The following ITGA11 variants were observed in gnomAD, a reference collection of about 807,000 sequenced individuals.
The protein encoded by ITGA11 is integrin alpha-11.
A neutral mutation model predicts 141.9 loss-of-function variants in ITGA11; 97 were observed. The observed-to-expected ratio is 0.68, with a 90% CI of 0.58 to 0.81. The LOEUF (loss-of-function observed/expected upper bound fraction) is 0.81. Ranked by LOEUF, ITGA11 falls within the 30% of genes least tolerant of loss-of-function variation. ITGA11 has a pLI of 0.00. For missense variants in ITGA11, 1,387 were observed against 1,559.2 expected, an observed-to-expected ratio of 0.89 and a Z score of 1.86; for synonymous variants, 658 against 624.6, an observed-to-expected ratio of 1.05 and a Z score of -0.80.
intron 1 of ITGA11, among the ~76,000 whole-genome samples, chr15:68,403,638 TTTTTC>T (rs1179576313): frequency 6.6e-6 from 1 of 151,764 alleles, no homozygotes; most frequent in Non-Finnish European, 1.5e-5. Context: ...CTTTCTTTTT[TTTTTC>T]TGTTTCCCTG....
chr15:68,315,178 T>G (rs991224628), intron 22 of ITGA11, among the ~76,000 whole-genome samples: 1 of 151,816 alleles, frequency 6.6e-6, no homozygotes, highest in East Asian at 1.9e-4. Context: ...ATAGGACGAG[T>G]AGTGTTCAGC....
chr15:68,354,874 A>T lies in ITGA11; in HGVS notation c.749+2277T>A, dbSNP rs189590078. The stretch of plus-strand genomic sequence containing the variant: ...CTTTCATAGGTGCATAGGAAAAAAC[A>T]TGCATTAAGAATAAACTGAGTGAGG... On this transcript the variant is annotated intron_variant, in intron 7 of 29. Transcript: ENST00000315757. Among the ~76,000 whole-genome samples the T allele has an allele frequency of 2.8e-3, 422 of 152,332 alleles. 3 individuals carry two copies. The highest frequency in any genetic ancestry group is 3.5e-3 in the Non-Finnish European group (238 of 68,028).
chr15:68,351,508 T>C, intron 7 of ITGA11, 106 bp from the exon 8 acceptor site: 2 of 1,278,308 alleles, frequency 1.6e-6, no homozygotes, highest in African/African-American at 1.5e-5. Context: ...CAAGTCCTCC[T>C]TGGGCAACCC....
At position 68,328,848 on chromosome 15, in the gene ITGA11, G is replaced by A. The variant is rs1010531888; in HGVS notation, c.1902-586C>T. On this transcript the variant is annotated intron_variant, in intron 15 of 29. Coordinates refer to ENST00000315757, the MANE Select transcript of ITGA11 (RefSeq NM_001004439.2). This position sits in a 1 kb window ranked among gnomAD's most constrained non-coding sequence, Gnocchi z 4.8. ...TGGACCACACTTCGAAGAGCGAGGCGTTAAAGCACCCCAGGTGATTCCAAC... is the reference window on the plus strand; with the variant it reads ...TGGACCACACTTCGAAGAGCGAGGCATTAAAGCACCCCAGGTGATTCCAAC... 2.0e-5 allele frequency among the ~76,000 whole-genome samples: 3 copies of A among 152,136 alleles called. No homozygotes were observed. Among genetic ancestry groups the A allele is most frequent in the East Asian group, 1.9e-4 (1 of 5,198 alleles).
intron 10 of ITGA11, among the ~76,000 whole-genome samples, chr15:68,344,741 G>A (rs1004424397): frequency 6.6e-6 from 1 of 152,096 alleles, no homozygotes; most frequent in Non-Finnish European, 1.5e-5. Flanking sequence ...CTGAGCACTG[G>A]TCCTGTTAGG....
intron 11 of ITGA11, 89 bp downstream of exon 11, chr15:68,339,411 C>G: frequency 2.8e-6 from 4 of 1,436,778 alleles, no homozygotes; most frequent in Non-Finnish European, 3.8e-6. Flanking sequence ...CAGCAGGCCC[C>G]TCACTCGTGT....
At position 68,303,122 on chromosome 15, in the gene ITGA11, G is replaced by A. The variant is rs755079893; in HGVS notation, c.3504C>T (p.Phe1168=). ...LLVLALWKLG[F]FRSARRRREP... ...CCCTCCTGCGCCTGGCACTTCTAAA[G>A]AAGCCGAGCTGTGAGGAGGCAAAGG... is the stretch of plus-strand genomic sequence containing the variant. The change falls in exon 30 of 30, where the codon TTC becomes TTT. Residue 1168 remains phenylalanine, a synonymous_variant. Coordinates refer to ENST00000315757, the MANE Select transcript of ITGA11 (RefSeq NM_001004439.2). The surrounding 1 kb of genome is among the most constrained non-coding windows in gnomAD (Gnocchi z 5.3). 2 of 1,551,494 alleles carry A rather than the reference G, an allele frequency of 1.3e-6. No individual in the cohort carries two copies. Among genetic ancestry groups the A allele is most frequent in the Non-Finnish European group, 1.7e-6 (2 of 1,147,138 alleles).
At chr15:68,354,759 A>T (rs1183277419) in intron 7 of ITGA11, among the ~76,000 whole-genome samples, 1 of 152,148 alleles carries the variant, frequency 6.6e-6, no homozygotes, top group Admixed American at 6.5e-5. Flanking sequence ...GTTAGGGTGA[A>T]CACTTGTCAC....
rs1896316851 is a variant in ITGA11 at position 68,397,372 on chromosome 15, A to ATTATATATTATTTATTATATAATATG, written c.164+5545_164+5546insCATATTATATAATAAATAATATATAA. Among the ~76,000 whole-genome samples the ATTATATATTATTTATTATATAATATG allele has an allele frequency of 9.5e-5, 2 of 21,046 alleles. 1 individual carries two copies. The highest frequency in any genetic ancestry group is 4.8e-4 in the African/African-American group (2 of 4,180). The allele number at this position is 21,046 out of a possible 152,430, so 13.8% of individuals were successfully genotyped here. ...TTATATATTATTTATTATATAATAT[A>ATTATATATTATTTATTATATAATATG]TTATATATTATTTATTATATAATAT... is the stretch of plus-strand genomic sequence containing the variant. On this transcript the variant is annotated intron_variant, in intron 2 of 29. Coordinates refer to ENST00000315757, the MANE Select transcript of ITGA11 (RefSeq NM_001004439.2).
intron 1 of ITGA11, among the ~76,000 whole-genome samples, chr15:68,426,687 T>A (rs1338524803): frequency 1.3e-5 from 2 of 152,170 alleles, no homozygotes; most frequent in Non-Finnish European, 1.5e-5. Context: ...GACAACTTAC[T>A]GTCTTTCTGT....
chr15:68,398,767 T>C (rs1435511301), intron 2 of ITGA11, among the ~76,000 whole-genome samples: 1 of 147,868 alleles, frequency 6.8e-6, no homozygotes, highest in Non-Finnish European at 1.5e-5. Flanking sequence ...ATATTCATAG[T>C]ATAAAATGAA....
chr15:68,330,923 C>G, intron 15 of ITGA11, 58 bp downstream of exon 15: 1 of 1,605,902 alleles, frequency 6.2e-7, no homozygotes. Context: ...TTTAAAACCC[C>G]TGGATTCATT....
chr15:68,309,481 C>T (rs1230999225), intron 26 of ITGA11, among the ~76,000 whole-genome samples: 1 of 151,528 alleles, frequency 6.6e-6, no homozygotes, highest in Admixed American at 6.6e-5. Context: ...TTTTACTTCT[C>T]AACATAAGCC....
chr15:68,312,272 T>C (rs1244835385), intron 24 of ITGA11, among the ~76,000 whole-genome samples: 1 of 152,170 alleles, frequency 6.6e-6, no homozygotes, highest in Non-Finnish European at 1.5e-5. Flanking sequence ...AGTAAGGAAC[T>C]GCCAGGGAGG....
rs118014539 is a variant in ITGA11, at chr15:68,387,173, C to T, written c.164+15745G>A. Among the ~76,000 whole-genome samples, 444 of 152,048 alleles carry T rather than the reference C, an allele frequency of 2.9e-3. 2 individuals are homozygous for T. In the Middle Eastern group the frequency reaches 0.031, roughly 10 times the overall value. On this transcript the variant is annotated intron_variant, in intron 2 of 29. Transcript: ENST00000315757. ...GATAAGAGGGAGAGAGGGAAGGGGC[C>T]TCTGGGTGCATTACAAGAATGAAGT...
intron 3 of ITGA11, 35 bp from the exon 4 acceptor site, chr15:68,364,833 C>T (rs772983275): frequency 1.3e-6 from 2 of 1,583,688 alleles, no homozygotes; most frequent in Admixed American, 3.3e-5. Flanking sequence ...TTGCAGCCCC[C>T]TCCTGCCCGC....
At chr15:68,416,107 C>T (rs1896880810) in intron 1 of ITGA11, among the ~76,000 whole-genome samples, 1 of 152,202 alleles carries the variant, frequency 6.6e-6, no homozygotes, top group Admixed American at 6.5e-5. Flanking sequence ...CATCAAAAGC[C>T]TTGCCTGTTA....
chr15:68,431,612 T>C (rs1305980994), intron 1 of ITGA11, among the ~76,000 whole-genome samples: 2 of 152,156 alleles, frequency 1.3e-5, no homozygotes, highest in Non-Finnish European at 2.9e-5. Context: ...CACACTCTCT[T>C]GGCGCTGATT....
intron 1 of ITGA11, among the ~76,000 whole-genome samples, chr15:68,426,286 C>G (rs1897141346): frequency 6.6e-6 from 1 of 152,208 alleles, no homozygotes; most frequent in Admixed American, 6.5e-5. Context: ...ACTCATTAGG[C>G]CTGAAGCTCA....
Sources: gnomAD v4.1 joint callset for allele counts (sites outside exome capture counted in the v4.1 genomes callset) on GRCh38, gnomAD v4.1.1 for gene constraint, Gnocchi (gnomAD v3.1) non-coding constraint, MANE v1.5 for transcripts, NCBI Gene and HGNC (gene_info 2026-07-23, HGNC 2026-07-21) for gene names.